The following CSF2RA variants were observed in gnomAD, a reference collection of about 807,000 sequenced individuals.
CSF2RA encodes the protein granulocyte-macrophage colony-stimulating factor receptor subunit alpha.
Under a neutral mutation model 51.6 loss-of-function variants are expected in CSF2RA, and 42 were observed. That is an observed-to-expected ratio of 0.81 (90% CI 0.64 to 1.05). The LOEUF (loss-of-function observed/expected upper bound fraction) is 1.05, where lower values mean the gene tolerates loss of function less well. CSF2RA is among the 50% of genes least tolerant of loss of function. CSF2RA has a pLI of 0.00. For missense variants in CSF2RA, 530 were observed against 501.1 expected (o/e 1.06, Z -0.55); for synonymous variants, 222 against 193.0 (o/e 1.15, Z -1.24).
chrX:1,310,743 G>A (rs1255709356), downstream of CSF2RA, among the ~76,000 whole-genome samples: 9 of 151,818 alleles, frequency 5.9e-5, no homozygotes, highest in African/African-American at 1.9e-4. Context: ...TAGTAGGTCC[G>A]GTTCCTTCTG....
At chrX:1,311,571 G>A (rs776586836), downstream of CSF2RA, among the ~76,000 whole-genome samples, 423 of 151,784 alleles carry the variant, frequency 2.8e-3, 3 homozygotes, top group African/African-American at 9.8e-3. Context: ...GTGGCTGGGA[G>A]TACAGGCGCC....
At chrX:1,293,648 G>C (rs1312637518) in intron 7 of CSF2RA, among the ~76,000 whole-genome samples, 3 of 148,906 alleles carry the variant, frequency 2.0e-5, no homozygotes, top group African/African-American at 7.4e-5. Context: ...TAGACAAAGA[G>C]GTGTTTCTAC....
At position 1,305,428 on chromosome X, in the gene CSF2RA, T is replaced by A. The variant is rs1433580732; in HGVS notation, c.1044-18T>A. Reference sequence around the variant, plus strand: ...GACCCGGGGTTCATTCTCTTCACACTTTTTCTCTGTGTCTCAGGTTCCTTA... The same window carrying A: ...GACCCGGGGTTCATTCTCTTCACACATTTTCTCTGTGTCTCAGGTTCCTTA... On this transcript the variant is annotated intron_variant, in intron 11 of 12. Coordinates refer to ENST00000381529, the MANE Select transcript of CSF2RA (RefSeq NM_172245.4). 1.9e-6 allele frequency: 3 copies of A among 1,613,546 alleles called. No homozygotes were observed. In the African/African-American group the frequency reaches 4.0e-5, roughly 22 times the overall value.
intron 4 of CSF2RA, among the ~76,000 whole-genome samples, chrX:1,286,325 C>G (rs1289775161): frequency 1.4e-5 from 2 of 148,118 alleles, no homozygotes; most frequent in African/African-American, 2.5e-5. Flanking sequence ...TCCCAGCACT[C>G]TGGGAGGCCG....
rs779711299 is a variant in CSF2RA, at chrX:1,294,381, C to A, written c.700C>A (p.Leu234Ile). 3.1e-6 allele frequency: 5 copies of A among 1,613,902 alleles called. No individual in the cohort carries two copies. Among genetic ancestry groups the A allele is most frequent in the Non-Finnish European group, 4.2e-6 (5 of 1,179,826 alleles). Residue 234 changes from leucine (L) to isoleucine (I), a missense_variant, in exon 8 of 13, where the codon CTC (leucine) becomes ATC (isoleucine). Coordinates refer to ENST00000381529, the MANE Select transcript of CSF2RA (RefSeq NM_172245.4). Reference sequence around the variant, plus strand: ...CGTACGTTGCAACACGACGCACTGCCTCGTACGGTGGAAACAGCCCAGGAC... The same window carrying A: ...CGTACGTTGCAACACGACGCACTGCATCGTACGGTGGAAACAGCCCAGGAC... The part of the protein sequence containing the change: ...VTVRCNTTHC[L>I]VRWKQPRTYQ...
chrX:1,282,410 T>C, intron 2 of CSF2RA: 3 of 556,378 alleles, frequency 5.4e-6, no homozygotes, highest in Non-Finnish European at 9.7e-6. Flanking sequence ...CTCATGAAGG[T>C]CAGCTGAGCC....
intron 3 of CSF2RA, among the ~76,000 whole-genome samples, chrX:1,285,356 G>T (rs1278224136): frequency 6.6e-6 from 1 of 152,056 alleles, no homozygotes; most frequent in Non-Finnish European, 1.5e-5. Context: ...AAATCAGCAG[G>T]CTTCAGCCCT....
chrX:1,288,617 A>G lies in CSF2RA; in HGVS notation c.318A>G (p.Gln106=), dbSNP rs1278583809. ...TGAATACTAGTCAAAGAGGATTTCA[A>G]CAGAAACTGCTTTATCCAAATTCAG... The part of the protein sequence containing the change: ...VHVNTSQRGF[Q]QKLLYPNSGR... Residue 106 remains glutamine, a synonymous_variant, in exon 5 of 13, where the codon CAA becomes CAG. Transcript: ENST00000381529. The G allele has an allele frequency of 3.7e-6, 6 of 1,614,002 alleles. No individual in the cohort carries two copies. The highest frequency in any genetic ancestry group is 1.3e-5 in the African/African-American group (1 of 75,048).
downstream of CSF2RA, among the ~76,000 whole-genome samples, chrX:1,314,497 GCCTGCCCAACCGCACTGCA>G (rs2084396337): frequency 4.4e-5 from 4 of 90,696 alleles, no homozygotes; most frequent in Admixed American, 1.2e-4. Context: ...ACCCCACTGT[GCCTGCCCAACCGCACTGCA>G]CCTGCCCAAT....
chrX:1,286,395 C>G (rs62603281), intron 4 of CSF2RA, among the ~76,000 whole-genome samples: 32,087 of 151,696 alleles, frequency 0.21, 3,493 homozygotes, highest in South Asian at 0.28. Context: ...ATGGTGAAAC[C>G]CCATCTCTAC....
At chrX:1,281,133 G>A (rs867635925) in intron 2 of CSF2RA, among the ~76,000 whole-genome samples, 2 of 27,484 alleles carry the variant, frequency 7.3e-5, no homozygotes, top group Admixed American at 4.5e-4. Flanking sequence ...TCCTCCTCCT[G>A]CTCCTCCTCC....
intron 1 of CSF2RA, among the ~76,000 whole-genome samples, chrX:1,274,026 T>G (rs1260279590): frequency 6.6e-6 from 1 of 152,002 alleles, no homozygotes; most frequent in Non-Finnish European, 1.5e-5. Flanking sequence ...GGCCTCTATT[T>G]TAGGATCAGC....
At chrX:1,269,084 A>G (rs774693235) in intron 1 of CSF2RA, among the ~76,000 whole-genome samples, 1 of 152,222 alleles carries the variant, frequency 6.6e-6, no homozygotes, top group African/African-American at 2.4e-5. Flanking sequence ...CCTTTGTTAT[A>G]TGCAGGTTTT....
At chrX:1,284,043 C>T (rs1196807356) in intron 3 of CSF2RA, among the ~76,000 whole-genome samples, 7 of 151,992 alleles carry the variant, frequency 4.6e-5, no homozygotes, top group Admixed American at 4.6e-4. Context: ...CAGACAAAGA[C>T]AGCTTTCTGT....
intron 2 of CSF2RA, among the ~76,000 whole-genome samples, chrX:1,279,630 G>A (rs1205021960): frequency 8.6e-5 from 13 of 151,930 alleles, no homozygotes; most frequent in African/African-American, 3.1e-4. Context: ...GTCCAGTGGG[G>A]GAAGCGGCCA....
chrX:1,281,003 C>CCTT (rs2089923609), intron 2 of CSF2RA, among the ~76,000 whole-genome samples: 1 of 120,768 alleles, frequency 8.3e-6, no homozygotes, highest in African/African-American at 3.0e-5. Context: ...TTCTCCTCCT[C>CCTT]CTCCTTCTCC....
chrX:1,273,612 A>G (rs2088744990), intron 1 of CSF2RA, among the ~76,000 whole-genome samples: 1 of 151,594 alleles, frequency 6.6e-6, no homozygotes, highest in Admixed American at 6.6e-5. Flanking sequence ...TATAGGCGTG[A>G]ACCACTGCTC....
At position 1,289,824 on chromosome X, in the gene CSF2RA, GTGTT is replaced by G. The variant is rs1386827716; in HGVS notation, c.474-507_474-504del. Among the ~76,000 whole-genome samples the G allele has an allele frequency of 1.1e-4, 11 of 99,920 alleles. No individual in the cohort carries two copies. In the East Asian group the frequency reaches 2.0e-3, roughly 18 times the overall value. The allele number at this position is 99,920 out of a possible 152,430, so 65.6% of individuals were successfully genotyped here. ...GTGTTTTTGTGTTTTGTTTTGTTTT[GTGTT>G]TGTTTTTGTTTTGTTTTGTGTTTTT... On this transcript the variant is annotated intron_variant, in intron 6 of 12. Transcript: ENST00000381529.
chrX:1,314,263 C>T (rs1183419474), downstream of CSF2RA, among the ~76,000 whole-genome samples: 1 of 30,652 alleles, frequency 3.3e-5, no homozygotes, highest in African/African-American at 9.3e-5. Context: ...TGCCCAACCC[C>T]ACTGCGCCTG....
Sources: allele counts gnomAD v4.1 joint callset (sites outside exome capture counted in the v4.1 genomes callset), GRCh38; gene constraint gnomAD v4.1.1; transcripts MANE v1.5; gene names NCBI Gene and HGNC (gene_info 2026-07-23, HGNC 2026-07-21).